Variants in LRRN2 observed in about 807,000 individuals in gnomAD.
LRRN2 encodes leucine-rich repeat neuronal protein 2.
LRRN2 carries 10 observed loss-of-function variants against 35.7 expected under a neutral mutation model. The ratio of observed to expected loss-of-function variants is 0.28; its 90% CI spans 0.17 to 0.47. The LOEUF is 0.47. Among genes scored for constraint, LRRN2 ranks in the 20% least tolerant of loss-of-function variants. The pLI, the probability that LRRN2 is intolerant of heterozygous loss-of-function variation, is 0.99. For missense variants in LRRN2, 731 were observed against 940.3 expected, an observed-to-expected ratio of 0.78 and a Z score of 2.91; for synonymous variants, 391 against 409.6, an observed-to-expected ratio of 0.95 and a Z score of 0.55.
intron 1 of LRRN2, among the ~76,000 whole-genome samples, chr1:204,678,725 C>G (rs773599035): frequency 3.3e-5 from 5 of 152,184 alleles, no homozygotes; most frequent in Non-Finnish European, 7.4e-5. Flanking sequence ...TGGTGCCACC[C>G]CCTCATCTCT....
rs1667860628 is a variant in LRRN2 at position 204,637,376 on chromosome 1, T to C, written c.-226-17158A>G. On this transcript the variant is annotated intron_variant, in intron 1 of 1. Coordinates refer to ENST00000367177, the MANE Select transcript of LRRN2 (RefSeq NM_201630.2). Reference sequence around the variant, plus strand: ...TCAAGCCAGGGCACATATAGATGAGTGTATTTGTACAGTGCACCAGGGGAG... The same window carrying C: ...TCAAGCCAGGGCACATATAGATGAGCGTATTTGTACAGTGCACCAGGGGAG... Among the ~76,000 whole-genome samples the C allele has an allele frequency of 3.3e-5, 5 of 152,090 alleles. No homozygotes were observed. The South Asian group carries it at 1.0e-3, about 32-fold the overall frequency.
Position 204,617,884 on chromosome 1 carries a change from C to T in LRRN2, c.2109G>A (p.Glu703=), listed in dbSNP as rs756426192. The T allele has an allele frequency of 6.2e-6, 10 of 1,613,996 alleles. No individual in the cohort carries two copies. Among genetic ancestry groups the T allele is most frequent in the Admixed American group, 1.7e-5 (1 of 60,016 alleles). The change falls in exon 2 of 2, where the codon GAG becomes GAA. Residue 703 remains glutamate, a synonymous_variant. Coordinates refer to ENST00000367177, the MANE Select transcript of LRRN2 (RefSeq NM_201630.2). ...TTTGAGACAATGGTGGCAACAGTGT[C>T]TCCCCTTCTGAGGATCTGGGCAGCT... ...GRKLPRSSEG[E]TLLPPLSQNS
chr1:204,645,706 G>T (rs1217537476), intron 1 of LRRN2, among the ~76,000 whole-genome samples: 1 of 152,128 alleles, frequency 6.6e-6, no homozygotes, highest in Non-Finnish European at 1.5e-5. Context: ...CTGCATGGCT[G>T]GGGAGGCCTC....
rs776534481 is a variant in LRRN2 at position 204,619,227 on chromosome 1, C to G, written c.766G>C (p.Ala256Pro). The change falls in exon 2 of 2, where the codon GCA (alanine) becomes CCA (proline). Residue 256 changes from alanine to proline, a missense_variant. By Grantham distance (27) the Ala-to-Pro change is conservative. Transcript: ENST00000367177. ...TTGAGCCCGGGCACCTGTTCCAGTG[C>G]CCGCCTGGGCACCCGGGCCAGCTGG... ...DNQLARVPRR[A>P]LEQVPGLKFL... 6.2e-7 allele frequency: 1 copy of G among 1,613,962 alleles called. No individual in the cohort carries two copies. The highest frequency in any genetic ancestry group is 1.1e-5 in the South Asian group (1 of 91,084).
rs201973355 is a variant in LRRN2 at position 204,660,338 on chromosome 1, ACTTT to A, written c.-227+24978_-227+24981del. On this transcript the variant is annotated intron_variant, in intron 1 of 1. Coordinates refer to ENST00000367177, the MANE Select transcript of LRRN2 (RefSeq NM_201630.2). ...TTTCTGTTGTCATCCCCATCATCTC[ACTTT>A]CTTTCTTTTCCTCCTCTGGACTGGG... Among the ~76,000 whole-genome samples, 226 of 151,170 alleles carry A rather than the reference ACTTT, an allele frequency of 1.5e-3. 1 individual carries two copies. In the East Asian group the frequency reaches 0.021, roughly 14 times the overall value.
chr1:204,638,662 G>A (rs568335287), intron 1 of LRRN2, among the ~76,000 whole-genome samples: 10 of 152,018 alleles, frequency 6.6e-5, no homozygotes, highest in South Asian at 2.1e-4. Flanking sequence ...CACCCACCTC[G>A]GCCTCCCAAA....
chr1:204,626,695 G>C (rs1198864061), intron 1 of LRRN2: 1 of 152,048 alleles, frequency 6.6e-6, no homozygotes, highest in Non-Finnish European at 1.5e-5. Flanking sequence ...ACGGATTTTT[G>C]TGTCCCTAGA....
In LRRN2 at chr1:204,618,139, G is replaced by A. The variant is rs767515495; in HGVS notation, c.1854C>T (p.Ala618=). Residue 618 remains alanine, a synonymous_variant, in exon 2 of 2, where the codon GCC becomes GCT. Coordinates refer to ENST00000367177, the MANE Select transcript of LRRN2 (RefSeq NM_201630.2). ...LACVWARTKE[A]TSCHRALGDR... ...CCCCTAAGGCTCTGTGGCAAGAAGT[G>A]GCCTCTTTGGTCCTGGCCCATACAC... 1.4e-5 allele frequency: 22 copies of A among 1,614,090 alleles called. No homozygotes were observed. Among genetic ancestry groups the A allele is most frequent in the Non-Finnish European group, 1.9e-5 (22 of 1,179,976 alleles).
At chr1:204,684,996 C>T (rs1187816405) in intron 1 of LRRN2, among the ~76,000 whole-genome samples, 1 of 152,226 alleles carries the variant, frequency 6.6e-6, no homozygotes, top group Non-Finnish European at 1.5e-5. Flanking sequence ...AGGTTCTGGC[C>T]TCTCCAGGCG....
chr1:204,635,671 C>T (rs930404446), intron 1 of LRRN2, among the ~76,000 whole-genome samples: 1 of 152,216 alleles, frequency 6.6e-6, no homozygotes, highest in South Asian at 2.1e-4. Flanking sequence ...CCCACTCATA[C>T]TTAACACCAG....
At chr1:204,637,161 T>G (rs1428689278) in intron 1 of LRRN2, among the ~76,000 whole-genome samples, 2 of 152,150 alleles carry the variant, frequency 1.3e-5, no homozygotes, top group Admixed American at 6.5e-5. Context: ...TAATAAAGTA[T>G]TGGGGGGAAA....
In LRRN2 at chr1:204,617,223, T is replaced by A. The variant is rs1666397076; in HGVS notation, c.*628A>T. 6.6e-6 allele frequency: 1 copy of A among 152,624 alleles called. No individual in the cohort carries two copies. The highest frequency in any genetic ancestry group is 1.5e-5 in the Non-Finnish European group (1 of 68,374). The allele number at this position is 152,624 out of a possible 1,614,324, so 9.5% of individuals were successfully genotyped here. On this transcript the variant is annotated 3_prime_UTR_variant, in exon 2 of 2. Coordinates refer to ENST00000367177, the MANE Select transcript of LRRN2 (RefSeq NM_201630.2). ...ATTATTGTTATTATTTATTTTTATT[T>A]TTTACAAAACAGGAGAAAAGAGTGA...
chr1:204,643,364 C>T (rs529548188), intron 1 of LRRN2, among the ~76,000 whole-genome samples: 23 of 152,260 alleles, frequency 1.5e-4, no homozygotes, highest in African/African-American at 5.1e-4. Context: ...TGCATTTTTC[C>T]GGCAAGAAGG....
intron 1 of LRRN2, among the ~76,000 whole-genome samples, chr1:204,655,968 G>A (rs1160116775): frequency 6.6e-6 from 1 of 152,146 alleles, no homozygotes; most frequent in Non-Finnish European, 1.5e-5. Context: ...GGAGTGCAGT[G>A]GCGCGATCTC....
chr1:204,654,793 T>A (rs982294200), intron 1 of LRRN2, among the ~76,000 whole-genome samples: 8 of 152,238 alleles, frequency 5.3e-5, no homozygotes, highest in Non-Finnish European at 8.8e-5. Context: ...AGCTCACCTC[T>A]TCCCAACTCC....
intron 1 of LRRN2, among the ~76,000 whole-genome samples, chr1:204,629,963 T>TG (rs777517238): frequency 2.6e-5 from 4 of 151,996 alleles, no homozygotes; most frequent in East Asian, 1.9e-4. Flanking sequence ...AGAGGGTGTG[T>TG]GGGGGGGTTA....
intron 1 of LRRN2, among the ~76,000 whole-genome samples, chr1:204,664,993 G>C (rs1409853396): frequency 6.6e-6 from 1 of 151,970 alleles, no homozygotes; most frequent in Non-Finnish European, 1.5e-5. Flanking sequence ...TGAGTCCCTA[G>C]AACAGTGTCC....
chr1:204,630,598 T>C (rs753040084), intron 1 of LRRN2, among the ~76,000 whole-genome samples: 29 of 151,852 alleles, frequency 1.9e-4, no homozygotes, highest in South Asian at 2.1e-4. Flanking sequence ...CGGAGATAAA[T>C]GGCTGCAGCT....
At chr1:204,647,155 T>TA (rs11284966) in intron 1 of LRRN2, among the ~76,000 whole-genome samples, 26 of 142,856 alleles carry the variant, frequency 1.8e-4, no homozygotes, top group South Asian at 1.1e-3. Context: ...GCAAGGAGGT[T>TA]AAAAAAAAAA....
Sources: allele counts gnomAD v4.1 joint callset (sites outside exome capture counted in the v4.1 genomes callset), GRCh38; gene constraint gnomAD v4.1.1; transcripts MANE v1.5; gene names NCBI Gene and HGNC (gene_info 2026-07-23, HGNC 2026-07-21).